SLC30A5: variants seen among roughly 807,000 people sequenced by gnomAD.
The protein encoded by SLC30A5 is proton-coupled zinc antiporter SLC30A5.
Under a neutral mutation model 79.6 loss-of-function variants are expected in SLC30A5, and 33 were observed. That is an observed-to-expected ratio of 0.41 (90% CI 0.31 to 0.55). The LOEUF (loss-of-function observed/expected upper bound fraction) is 0.55. Ranked by LOEUF, SLC30A5 falls within the 20% of genes least tolerant of loss-of-function variation. The pLI is 0.20. For synonymous variants in SLC30A5, 299 were observed against 319.7 expected (o/e 0.94, Z 0.69); for missense variants, 788 against 928.1 (o/e 0.85, Z 1.96).
intron 5 of SLC30A5, 152 bp from the exon 6 acceptor site, chr5:69,112,988 A>G (rs1375280555): frequency 1.6e-6 from 1 of 611,228 alleles, no homozygotes. Flanking sequence ...TATAATATGT[A>G]AGAGCTTTAA....
intron 14 of SLC30A5, among the ~76,000 whole-genome samples, chr5:69,125,770 CGGAGCTTGCAGTGAGCCATGAACCTG>C (rs1746664635): frequency 7.6e-5 from 4 of 52,370 alleles, no homozygotes. Context: ...ACCTGGGAGG[CGGAGCTTGCAGTGAGCCATGAACCTG>C]GGAGGCGGAG....
chr5:69,108,480 A>T, intron 5 of SLC30A5, 44 bp downstream of exon 5: 1 of 1,287,354 alleles, frequency 7.8e-7, no homozygotes, highest in Non-Finnish European at 1.1e-6. Context: ...GAAAGTATGT[A>T]TGTCACATAT....
chr5:69,113,850 A>G (rs1371392441), intron 6 of SLC30A5, among the ~76,000 whole-genome samples: 1 of 152,204 alleles, frequency 6.6e-6, no homozygotes, highest in African/African-American at 2.4e-5. Context: ...TTATTAGTAA[A>G]CTAATAATAA....
Position 69,121,893 on chromosome 5 carries a change from G to C in SLC30A5, c.1769G>C (p.Arg590Thr). 4 of 1,611,574 alleles carry C rather than the reference G, an allele frequency of 2.5e-6. No homozygotes were observed. The highest frequency in any genetic ancestry group is 3.4e-6 in the Non-Finnish European group (4 of 1,178,876). ...SAGGGMNANM[R>T]GVFLHVLADT... ...GGTGGAGGCATGAATGCTAACATGA[G>C]GGGTGAGTCCTTGCAAAATATTATC... The change falls in exon 13 of 16, where the codon AGG becomes ACG. Residue 590 changes from arginine (R) to threonine (T), a missense_variant and splice_region_variant. This residue lies in a region of SLC30A5 where 626 missense variants were observed against 755.5 expected (regional missense o/e 0.83). Transcript: ENST00000396591.
At chr5:69,111,805 G>A (rs1478180667) in intron 5 of SLC30A5, among the ~76,000 whole-genome samples, 1 of 152,072 alleles carries the variant, frequency 6.6e-6, no homozygotes, top group African/African-American at 2.4e-5. Context: ...CACACTAACA[G>A]AATTTATCCA....
In SLC30A5 at chr5:69,128,015, T is replaced by G; in HGVS notation, c.2010T>G (p.Ile670Met). The G allele has an allele frequency of 6.2e-7, 1 of 1,610,200 alleles. No homozygotes were observed. The highest frequency in any genetic ancestry group is 8.5e-7 in the Non-Finnish European group (1 of 1,177,650). The stretch of plus-strand genomic sequence containing the variant: ...CTTTTATTTGACAGATACAGAAAAT[T>G]GAAGGATTAATATCATACCGAGACC... The part of the protein sequence containing the change: ...LHIALEKIQK[I>M]EGLISYRDPH... The change falls in exon 15 of 16, where the codon ATT becomes ATG. Residue 670 changes from isoleucine (I) to methionine (M), a missense_variant. Transcript: ENST00000396591.
intron 4 of SLC30A5, 113 bp from the exon 5 acceptor site, chr5:69,108,236 T>C (rs774734406): frequency 2.4e-4 from 191 of 786,570 alleles, no homozygotes; most frequent in Admixed American, 3.1e-4. Flanking sequence ...TTATTTTTCT[T>C]ATGTTTTGTG....
At chr5:69,127,717 T>G (rs979026725) in intron 14 of SLC30A5, among the ~76,000 whole-genome samples, 4 of 152,112 alleles carry the variant, frequency 2.6e-5, no homozygotes, top group Non-Finnish European at 4.4e-5. Context: ...CATACTAGCA[T>G]CATTCCTAGG....
intron 2 of SLC30A5, among the ~76,000 whole-genome samples, chr5:69,101,961 A>C (rs1198051500): frequency 4.6e-5 from 7 of 151,618 alleles, no homozygotes; most frequent in South Asian, 2.1e-4. Context: ...CATTTAAAAA[A>C]AAAAACAAAA....
chr5:69,114,623 T>C (rs1746313105), intron 7 of SLC30A5, 127 bp downstream of exon 7: 2 of 665,992 alleles, frequency 3.0e-6, no homozygotes, highest in Non-Finnish European at 5.3e-6. Context: ...TCCCAGCACT[T>C]TGGGGGCCAA....
intron 4 of SLC30A5, among the ~76,000 whole-genome samples, chr5:69,105,030 A>G (rs960468360): frequency 2.0e-5 from 3 of 152,236 alleles, no homozygotes; most frequent in Non-Finnish European, 2.9e-5. Flanking sequence ...CTTAGAAGCT[A>G]TAATAAAAGG....
Position 69,094,240 on chromosome 5 carries a change from G to GCGGC in SLC30A5, c.-15_-14insGGCC. 1 of 1,208,524 alleles carries GCGGC rather than the reference G, an allele frequency of 8.3e-7. No homozygotes were observed. The highest frequency in any genetic ancestry group is 1.1e-6 in the Non-Finnish European group (1 of 949,196). The allele number at this position is 1,208,524 out of a possible 1,614,324, so 74.9% of individuals were successfully genotyped here. ...CCCCGCGACAGGGGCAGCGGCGGCG[G>GCGGC]CTCGTGAGCCCCGGGATGGAGGAGA... is the stretch of plus-strand genomic sequence containing the variant. On this transcript the variant is annotated 5_prime_UTR_variant, in exon 1 of 16. An upstream open reading frame in the 5' UTR loses its in-frame stop. Transcript: ENST00000396591.
chr5:69,130,992 T>A lies in SLC30A5; in HGVS notation c.*1375T>A, dbSNP rs1027889130. On this transcript the variant is annotated 3_prime_UTR_variant, in exon 16 of 16. Coordinates refer to ENST00000396591, the MANE Select transcript of SLC30A5 (RefSeq NM_022902.5). ...GGTTTTAGAAATTTGTTGTAAGTTATTTTTATATTCCTTGTCTTTTGCATA... is the reference window on the plus strand; with the variant it reads ...GGTTTTAGAAATTTGTTGTAAGTTAATTTTATATTCCTTGTCTTTTGCATA... 2 of 152,182 alleles carry A rather than the reference T, an allele frequency of 1.3e-5. No individual in the cohort carries two copies. The highest frequency in any genetic ancestry group is 4.8e-5 in the African/African-American group (2 of 41,448). 9.4% of individuals were successfully genotyped at this position (152,182 alleles called of 1,614,324 possible).
In SLC30A5 at chr5:69,099,892, TTAAAG is replaced by T. The variant is rs112368708; in HGVS notation, c.84-910_84-906del. On this transcript the variant is annotated intron_variant, in intron 1 of 15. Transcript: ENST00000396591. The stretch of plus-strand genomic sequence containing the variant: ...TTCATTTTTCATTGGGCATCTTTTG[TTAAAG>T]TAAACTGTATCTATACATAATCATT... 7.3e-3 allele frequency among the ~76,000 whole-genome samples: 1,112 copies of T among 152,336 alleles called. 25 individuals are homozygous for T. The highest frequency in any genetic ancestry group is 0.025 in the African/African-American group (1,056 of 41,572).
chr5:69,119,124 TC>T (rs1445314020), intron 12 of SLC30A5, among the ~76,000 whole-genome samples: 14 of 152,182 alleles, frequency 9.2e-5, no homozygotes, highest in African/African-American at 3.1e-4. Flanking sequence ...TTTAATGTTC[TC>T]CCTGTACCAC....
chr5:69,123,954 A>C (rs988772293), intron 14 of SLC30A5, among the ~76,000 whole-genome samples: 3 of 152,122 alleles, frequency 2.0e-5, no homozygotes, highest in Non-Finnish European at 4.4e-5. Flanking sequence ...TCTACTAAAA[A>C]TACAAAAAAT....
In SLC30A5 at chr5:69,117,318, T is replaced by G; in HGVS notation, c.1361T>G (p.Phe454Cys). 6.2e-7 allele frequency: 1 copy of G among 1,614,086 alleles called. No individual in the cohort carries two copies. Among genetic ancestry groups the G allele is most frequent in the South Asian group, 1.1e-5 (1 of 91,078 alleles). The change falls in exon 11 of 16, where the codon TTT (phenylalanine) becomes TGT (cysteine). Residue 454 changes from phenylalanine (F) to cysteine (C), a missense_variant. This residue lies in a region of SLC30A5 where 626 missense variants were observed against 755.5 expected (regional missense o/e 0.83). Coordinates refer to ENST00000396591, the MANE Select transcript of SLC30A5 (RefSeq NM_022902.5). ...GLISDGFHML[F>C]DCSALVMGLF... Reference sequence around the variant, plus strand: ...ATCTCGGATGGATTCCACATGCTTTTTGACTGCTCTGCTTTAGTCATGGGA... The same window carrying G: ...ATCTCGGATGGATTCCACATGCTTTGTGACTGCTCTGCTTTAGTCATGGGA...
At chr5:69,110,841 CA>C (rs1746210449) in intron 5 of SLC30A5, among the ~76,000 whole-genome samples, 1 of 151,806 alleles carries the variant, frequency 6.6e-6, no homozygotes, top group Non-Finnish European at 1.5e-5. Context: ...AGGAAATCAG[CA>C]AAAAACTGGG....
chr5:69,126,803 ACAAC>A lies in SLC30A5; in HGVS notation c.1999-1200_1999-1197del, dbSNP rs758911012. ...AAACAAACAAACAACAACAACAACA[ACAAC>A]AAAATATATATATATATGTATATAT... On this transcript the variant is annotated intron_variant, in intron 14 of 15. Coordinates refer to ENST00000396591, the MANE Select transcript of SLC30A5 (RefSeq NM_022902.5). 2.5e-3 allele frequency among the ~76,000 whole-genome samples: 328 copies of A among 129,510 alleles called. 1 individual carries two copies. The highest frequency in any genetic ancestry group is 7.1e-3 in the East Asian group (28 of 3,948). 85.0% of individuals were successfully genotyped at this position (129,510 alleles called of 152,430 possible). A position where few individuals can be genotyped will look rare whatever the true frequency, so the allele number is the denominator to read the frequency against.
Sources: gnomAD v4.1 joint callset for allele counts (sites outside exome capture counted in the v4.1 genomes callset) on GRCh38, gnomAD v4.1.1 for gene constraint, gnomAD v4.1.1 regional missense constraint, MANE v1.5 for transcripts, NCBI Gene and HGNC (gene_info 2026-07-23, HGNC 2026-07-21) for gene names.